The following RRBP1 variants were observed in gnomAD, a reference collection of about 807,000 sequenced individuals.
RRBP1 encodes the protein ribosome binding protein 1.
RRBP1 carries 94 observed loss-of-function variants against 165.2 expected under a neutral mutation model. The ratio of observed to expected loss-of-function variants is 0.57; its 90% CI spans 0.48 to 0.68. RRBP1 has a LOEUF of 0.68. RRBP1 is among the 30% of genes least tolerant of loss of function. The pLI, the probability that RRBP1 is intolerant of heterozygous loss-of-function variation, is 0.00. For synonymous variants in RRBP1, 680 were observed against 714.5 expected (o/e 0.95, Z 0.77); for missense variants, 1,676 against 1,763.0 (o/e 0.95, Z 0.88).
chr20:17,616,503 G>T (rs1227374397), intron 21 of RRBP1, among the ~76,000 whole-genome samples: 1 of 152,058 alleles, frequency 6.6e-6, no homozygotes, highest in Non-Finnish European at 1.5e-5. Flanking sequence ...CTCCCTCTTC[G>T]AGTCCCACCT....
intron 19 of RRBP1, 23 bp downstream of exon 19, chr20:17,619,610 C>A (rs1335352395): frequency 1.3e-6 from 2 of 1,576,008 alleles, no homozygotes; most frequent in African/African-American, 1.3e-5. Context: ...GCAGGGGCTG[C>A]ACTCCTTGGG....
At chr20:17,637,710 C>G (rs951852001) in intron 5 of RRBP1, among the ~76,000 whole-genome samples, 8 of 152,200 alleles carry the variant, frequency 5.3e-5, no homozygotes, top group Admixed American at 2.6e-4. Context: ...CCACTGGGTG[C>G]TGGTGCTGTT....
chr20:17,680,668 G>A (rs908957725), intron 1 of RRBP1, among the ~76,000 whole-genome samples: 3 of 152,196 alleles, frequency 2.0e-5, no homozygotes, highest in East Asian at 3.9e-4. Context: ...GGATTCAGAG[G>A]GGCTATGGGA....
At chr20:17,622,876 C>T (rs1296941296) in intron 13 of RRBP1, 1 of 152,174 alleles carries the variant, frequency 6.6e-6, no homozygotes, top group Non-Finnish European at 1.5e-5. Context: ...AGTGTTAACT[C>T]CCCCAAGCAG....
At chr20:17,646,131 G>A (rs2036458110) in intron 3 of RRBP1, among the ~76,000 whole-genome samples, 1 of 152,152 alleles carries the variant, frequency 6.6e-6, no homozygotes, top group African/African-American at 2.4e-5. Context: ...GCTCAGGGGG[G>A]TGGCCTCTCC....
intron 1 of RRBP1, among the ~76,000 whole-genome samples, chr20:17,681,796 C>A (rs554347885): frequency 3.3e-5 from 5 of 150,636 alleles, no homozygotes; most frequent in African/African-American, 1.2e-4. Flanking sequence ...GGGGTCCACA[C>A]CACGGGGCGC....
At chr20:17,651,033 C>T (rs560630284) in intron 3 of RRBP1, among the ~76,000 whole-genome samples, 36 of 152,238 alleles carry the variant, frequency 2.4e-4, no homozygotes, top group Non-Finnish European at 4.1e-4. Context: ...CGTCAGCTGA[C>T]AGTACCCGGA....
chr20:17,626,599 G>A (rs6044916), intron 11 of RRBP1, among the ~76,000 whole-genome samples: 2 of 152,158 alleles, frequency 1.3e-5, no homozygotes, highest in African/African-American at 4.8e-5. Context: ...AGGGAATGCA[G>A]GACACCCTCC....
chr20:17,641,744 G>T (rs971925148), intron 5 of RRBP1, 53 bp downstream of exon 5: 1 of 1,602,590 alleles, frequency 6.2e-7, no homozygotes, highest in Non-Finnish European at 8.5e-7. Flanking sequence ...TGGGGCGGGG[G>T]TCCTCTGAGG....
At chr20:17,649,051 C>G (rs1485498333) in intron 3 of RRBP1, among the ~76,000 whole-genome samples, 2 of 152,194 alleles carry the variant, frequency 1.3e-5, no homozygotes, top group African/African-American at 4.8e-5. Context: ...GCTTCTCACA[C>G]TGATACTTGG....
chr20:17,630,446 C>A (rs998789210), intron 8 of RRBP1, among the ~76,000 whole-genome samples: 7 of 152,204 alleles, frequency 4.6e-5, no homozygotes, highest in African/African-American at 1.2e-4. Flanking sequence ...GGTTGAACCA[C>A]GTGAAATTGT....
chr20:17,655,657 A>C (rs2036633200), intron 3 of RRBP1, among the ~76,000 whole-genome samples: 1 of 152,200 alleles, frequency 6.6e-6, no homozygotes, highest in Non-Finnish European at 1.5e-5. Flanking sequence ...GCCACAGTTT[A>C]CACTGTTTCC....
At chr20:17,626,819 G>A (rs1385223016) in intron 11 of RRBP1, among the ~76,000 whole-genome samples, 1 of 152,218 alleles carries the variant, frequency 6.6e-6, no homozygotes. Flanking sequence ...CGCTGGTGCT[G>A]CTGACACGGA....
At chr20:17,642,275 T>C (rs1329900265) in intron 4 of RRBP1, among the ~76,000 whole-genome samples, 1 of 152,180 alleles carries the variant, frequency 6.6e-6, no homozygotes, top group African/African-American at 2.4e-5. Flanking sequence ...GGCTGCAGTA[T>C]GGGGGCCGGG....
chr20:17,669,565 A>C (rs1310441898), intron 2 of RRBP1, among the ~76,000 whole-genome samples: 1 of 152,238 alleles, frequency 6.6e-6, no homozygotes. Flanking sequence ...TCGTCTACTC[A>C]ATATCATATC....
At chr20:17,647,172 C>G (rs6044933) in intron 3 of RRBP1, among the ~76,000 whole-genome samples, 1 of 152,254 alleles carries the variant, frequency 6.6e-6, no homozygotes, top group Non-Finnish European at 1.5e-5. Flanking sequence ...TATGTACCAC[C>G]TGCATACCCA....
At chr20:17,630,535 G>GGACA (rs1402764005) in intron 8 of RRBP1, among the ~76,000 whole-genome samples, 1 of 152,208 alleles carries the variant, frequency 6.6e-6, no homozygotes, top group East Asian at 1.9e-4. Context: ...TCCTCACTCA[G>GGACA]GACAGACAGG....
intron 13 of RRBP1, chr20:17,623,289 T>C (rs889393694): frequency 1.3e-5 from 2 of 152,278 alleles, no homozygotes; most frequent in Non-Finnish European, 1.5e-5. Context: ...GTTGTCCTCA[T>C]CTGATACAAC....
In RRBP1 at chr20:17,652,319, T is replaced by C. The variant is rs376985762; in HGVS notation, c.1912+6277A>G. ...GCTAGTGTGACTGAGGAATGGAATC[T>C]TTAATTTTATTTACTTCTGACTGAT... On this transcript the variant is annotated intron_variant, in intron 3 of 24. Coordinates refer to ENST00000377813, the MANE Select transcript of RRBP1 (RefSeq NM_001365613.2). 1.2e-4 allele frequency among the ~76,000 whole-genome samples: 19 copies of C among 152,270 alleles called. No individual in the cohort carries two copies. The East Asian group carries it at 2.9e-3, about 23-fold the overall frequency.
Sources: allele counts gnomAD v4.1 joint callset (sites outside exome capture counted in the v4.1 genomes callset), GRCh38; gene constraint gnomAD v4.1.1; transcripts MANE v1.5; gene names NCBI Gene and HGNC (gene_info 2026-07-23, HGNC 2026-07-21).